AK5: variants seen among roughly 807,000 people sequenced by gnomAD.
AK5 encodes the protein adenylate kinase isoenzyme 5.
Under a neutral mutation model 69.5 loss-of-function variants are expected in AK5, and 27 were observed. That is an observed-to-expected ratio of 0.39 (90% CI 0.29 to 0.54). AK5 has a LOEUF of 0.54. Ranked by LOEUF, AK5 falls within the 20% of genes least tolerant of loss-of-function variation. AK5 has a pLI of 0.71. For missense variants in AK5, 531 were observed against 700.4 expected, an observed-to-expected ratio of 0.76 and a Z score of 2.73; for synonymous variants, 260 against 244.4, an observed-to-expected ratio of 1.06 and a Z score of -0.60.
intron 8 of AK5, among the ~76,000 whole-genome samples, chr1:77,468,464 G>A (rs1291163546): frequency 6.6e-6 from 1 of 152,240 alleles, no homozygotes; most frequent in Non-Finnish European, 1.5e-5. Flanking sequence ...TGCCTCAGAG[G>A]CAGGCCTGTG....
intron 6 of AK5, among the ~76,000 whole-genome samples, chr1:77,401,447 T>C (rs1649210136): frequency 6.6e-6 from 1 of 152,150 alleles, no homozygotes; most frequent in South Asian, 2.1e-4. Context: ...AGAAGCTCAT[T>C]TGGTTCTTAG....
chr1:77,433,445 T>A (rs776559850), intron 8 of AK5, among the ~76,000 whole-genome samples: 1 of 150,742 alleles, frequency 6.6e-6, no homozygotes, highest in Non-Finnish European at 1.5e-5. Flanking sequence ...AAACCAAAGC[T>A]GACTTCAGAC....
chr1:77,511,233 T>C (rs969165995), intron 10 of AK5, among the ~76,000 whole-genome samples: 2 of 152,136 alleles, frequency 1.3e-5, no homozygotes, highest in African/African-American at 4.8e-5. Flanking sequence ...TTGTGTGGAC[T>C]GGGGAAAACT....
intron 8 of AK5, among the ~76,000 whole-genome samples, chr1:77,436,549 A>G (rs1651974732): frequency 6.6e-6 from 1 of 151,834 alleles, no homozygotes; most frequent in Non-Finnish European, 1.5e-5. Context: ...GAACAAACTT[A>G]TATTTGTGTT....
chr1:77,470,990 C>T (rs1350597187), intron 8 of AK5, among the ~76,000 whole-genome samples: 2 of 146,660 alleles, frequency 1.4e-5, no homozygotes, highest in Non-Finnish European at 3.0e-5. Flanking sequence ...AAGCAATTCT[C>T]CTGCCTCAGC....
Position 77,293,860 on chromosome 1 carries a change from C to T in AK5, c.315C>T (p.Ser105=), listed in dbSNP as rs1344450855. 1.9e-6 allele frequency: 3 copies of T among 1,613,670 alleles called. No homozygotes were observed. Among genetic ancestry groups the T allele is most frequent in the Non-Finnish European group, 2.5e-6 (3 of 1,179,836 alleles). ...GGCTCCCTCCAATCCATCAATTCTC[C>T]ATAGAAAGTGACACGGATCTCTCTG... ...YDRLPPIHQF[S]IESDTDLSET... is the part of the protein sequence containing the mutation. The change falls in exon 3 of 14, where the codon TCC becomes TCT. Residue 105 remains serine (S), a synonymous_variant. Coordinates refer to ENST00000354567, the MANE Select transcript of AK5 (RefSeq NM_174858.3).
intron 8 of AK5, among the ~76,000 whole-genome samples, chr1:77,471,477 G>T (rs1654510013): frequency 6.6e-6 from 1 of 152,138 alleles, no homozygotes. Flanking sequence ...TGTTTCCACT[G>T]CCCACTTACT....
At chr1:77,300,045 G>A (rs1659245340) in intron 5 of AK5, among the ~76,000 whole-genome samples, 1 of 152,060 alleles carries the variant, frequency 6.6e-6, no homozygotes. Context: ...GCTGTCCCCA[G>A]CTTGGACCAG....
intron 8 of AK5, among the ~76,000 whole-genome samples, chr1:77,482,940 G>T (rs1655346899): frequency 7.7e-6 from 1 of 129,076 alleles, no homozygotes; most frequent in Non-Finnish European, 1.6e-5. Flanking sequence ...GATACCAAAG[G>T]ATTTTGTCTT....
chr1:77,391,495 G>GTGTATATATATATCTATATATA (rs1425180466), intron 6 of AK5, among the ~76,000 whole-genome samples: 1 of 63,452 alleles, frequency 1.6e-5, no homozygotes, highest in Non-Finnish European at 3.2e-5. Context: ...GTGTGTGTGT[G>GTGTATATATATATCTATATATA]TATATATATA....
At chr1:77,331,032 TTATGCTAATATACAAAAATATAA>T (rs1449488852) in intron 5 of AK5, among the ~76,000 whole-genome samples, 2 of 152,058 alleles carry the variant, frequency 1.3e-5, no homozygotes, top group Non-Finnish European at 2.9e-5. Context: ...TATATTAGCC[TTATGCTAATATACAAAAATATAA>T]TATGCTAATA....
chr1:77,483,993 C>G (rs1388389116), intron 9 of AK5, among the ~76,000 whole-genome samples: 3 of 152,072 alleles, frequency 2.0e-5, no homozygotes, highest in Non-Finnish European at 4.4e-5. Flanking sequence ...GAAACCCTGT[C>G]TCTACTAAAA....
intron 8 of AK5, among the ~76,000 whole-genome samples, chr1:77,478,300 T>C (rs764308641): frequency 2.6e-5 from 4 of 152,240 alleles, no homozygotes; most frequent in Non-Finnish European, 5.9e-5. Flanking sequence ...AAATCTCATC[T>C]TGTAGCTCCC....
chr1:77,333,668 A>C (rs1661206740), intron 5 of AK5, among the ~76,000 whole-genome samples: 1 of 152,062 alleles, frequency 6.6e-6, no homozygotes, highest in Non-Finnish European at 1.5e-5. Context: ...CTTGTAAATA[A>C]GTTTTATTGG....
chr1:77,480,061 T>C (rs1427445328), intron 8 of AK5, among the ~76,000 whole-genome samples: 8 of 152,204 alleles, frequency 5.3e-5, no homozygotes, highest in Admixed American at 5.2e-4. Context: ...ATTTAGTGCT[T>C]ACAGGGGCTG....
intron 8 of AK5, among the ~76,000 whole-genome samples, chr1:77,466,229 C>T (rs1232777536): frequency 6.6e-6 from 1 of 152,154 alleles, no homozygotes; most frequent in Non-Finnish European, 1.5e-5. Flanking sequence ...ATGTTTGTCA[C>T]TCCCCACCCA....
At chr1:77,463,435 C>A (rs1220847250) in intron 8 of AK5, among the ~76,000 whole-genome samples, 1 of 152,140 alleles carries the variant, frequency 6.6e-6, no homozygotes, top group Non-Finnish European at 1.5e-5. Flanking sequence ...AAAACTTAAT[C>A]AAGATTTACC....
intron 10 of AK5, among the ~76,000 whole-genome samples, chr1:77,502,064 A>G (rs1030299575): frequency 1.2e-4 from 18 of 152,250 alleles, no homozygotes; most frequent in African/African-American, 3.9e-4. Flanking sequence ...TTAATAATAG[A>G]TGACTAATAA....
chr1:77,459,563 C>T (rs191157871), intron 8 of AK5, among the ~76,000 whole-genome samples: 260 of 152,326 alleles, frequency 1.7e-3, no homozygotes, highest in Non-Finnish European at 3.3e-3. Flanking sequence ...CCCATCCCTA[C>T]AGTTTCTGAT....
Sources: allele counts gnomAD v4.1 joint callset (sites outside exome capture counted in the v4.1 genomes callset), GRCh38; gene constraint gnomAD v4.1.1; transcripts MANE v1.5; gene names NCBI Gene and HGNC (gene_info 2026-07-23, HGNC 2026-07-21).